The following RET variants were observed in gnomAD, a reference collection of about 807,000 sequenced individuals.
RET encodes the protein ret proto-oncogene.
A neutral mutation model predicts 118.3 loss-of-function variants in RET; 19 were observed. That is an observed-to-expected ratio of 0.16 (90% CI 0.11 to 0.24). The LOEUF (loss-of-function observed/expected upper bound fraction) is 0.24. Among genes scored for constraint, RET ranks in the 10% least tolerant of loss-of-function variants. The pLI is 1.00. For missense variants in RET, 1,219 were observed against 1,502.1 expected (o/e 0.81, Z 3.12); for synonymous variants, 597 against 644.1 (o/e 0.93, Z 1.11).
intron 12 of RET, 92 bp from the exon 13 acceptor site, chr10:43,118,281 G>A: frequency 2.0e-6 from 2 of 986,824 alleles, no homozygotes; most frequent in East Asian, 2.6e-5. Flanking sequence ...CTGAACTTGG[G>A]CAAGGCGATG....
At chr10:43,097,474 G>A (rs1837545427) in intron 1 of RET, among the ~76,000 whole-genome samples, 1 of 151,986 alleles carries the variant, frequency 6.6e-6, no homozygotes. Context: ...CATCCTCTCT[G>A]GGGTAAGAAC....
At chr10:43,093,870 CAAG>C (rs1279783821) in intron 1 of RET, among the ~76,000 whole-genome samples, 2 of 151,918 alleles carry the variant, frequency 1.3e-5, no homozygotes, top group East Asian at 1.9e-4. Context: ...AAAAATGAGG[CAAG>C]AAGAAGGCCA....
chr10:43,086,278 G>A (rs568746280), intron 1 of RET, among the ~76,000 whole-genome samples: 6 of 152,334 alleles, frequency 3.9e-5, no homozygotes, highest in Admixed American at 2.0e-4. Context: ...TGAAGCGCCC[G>A]GAGCAGACCT....
At chr10:43,079,402 C>T (rs903918117) in intron 1 of RET, among the ~76,000 whole-genome samples, 3 of 152,204 alleles carry the variant, frequency 2.0e-5, no homozygotes, top group African/African-American at 7.2e-5. Context: ...CTGTCAGCCC[C>T]AGGTATGCTG....
At chr10:43,104,872 C>A in intron 3 of RET, 80 bp from the exon 4 acceptor site, 1 of 1,509,098 alleles carries the variant, frequency 6.6e-7, no homozygotes, top group Non-Finnish European at 8.8e-7. Flanking sequence ...GCTCTGACCG[C>A]AGAGCCCCCT....
rs954548551 is a variant in RET at position 43,128,352 on chromosome 10, C to T, written c.*83C>T. 13 of 1,527,810 alleles carry T rather than the reference C, an allele frequency of 8.5e-6. No homozygotes were observed. Among genetic ancestry groups the T allele is most frequent in the African/African-American group, 8.2e-5 (6 of 73,052 alleles). 94.6% of individuals were successfully genotyped at this position (1,527,810 alleles called of 1,614,324 possible). A position where few individuals can be genotyped will look rare whatever the true frequency, so the allele number is the denominator to read the frequency against. ...AGTCTACCGGCCCTTTCTTTGTGAACGTCACATTGGCCGAGCCGTGTTCAG... is the reference window on the plus strand; with the variant it reads ...AGTCTACCGGCCCTTTCTTTGTGAATGTCACATTGGCCGAGCCGTGTTCAG... On this transcript the variant is annotated 3_prime_UTR_variant, in exon 20 of 20. Coordinates refer to ENST00000355710, the MANE Select transcript of RET (RefSeq NM_020975.6).
intron 13 of RET, among the ~76,000 whole-genome samples, chr10:43,118,781 C>T (rs1013002755): frequency 4.6e-5 from 7 of 152,186 alleles, no homozygotes; most frequent in Non-Finnish European, 7.4e-5. Context: ...GGGCTGGGCC[C>T]GTGGGGCAGG....
At chr10:43,118,692 C>T (rs537816898) in intron 13 of RET, among the ~76,000 whole-genome samples, 16 of 152,260 alleles carry the variant, frequency 1.1e-4, no homozygotes, top group African/African-American at 2.4e-4. Context: ...AGGGGCCCCG[C>T]GCTAGCGGCA....
At chr10:43,113,189 GA>G (rs1837981006) in intron 9 of RET, among the ~76,000 whole-genome samples, 1 of 152,200 alleles carries the variant, frequency 6.6e-6, no homozygotes, top group South Asian at 2.1e-4. Context: ...TGAGGTCCCA[GA>G]AGTCGGCACA....
intron 1 of RET, among the ~76,000 whole-genome samples, chr10:43,077,670 A>G: frequency 1.3e-5 from 2 of 152,212 alleles, no homozygotes; most frequent in Middle Eastern, 6.8e-3. Context: ...AGCAAACGGG[A>G]CAGCCGTTTC....
chr10:43,108,014 G>A (rs72781236), intron 5 of RET, among the ~76,000 whole-genome samples: 6,221 of 151,928 alleles, frequency 0.041, 146 homozygotes, highest in South Asian at 0.08. Context: ...AGTAAACCAC[G>A]TTATACCTGG....
At chr10:43,085,789 A>G (rs1837277209) in intron 1 of RET, among the ~76,000 whole-genome samples, 1 of 151,790 alleles carries the variant, frequency 6.6e-6, no homozygotes, top group Non-Finnish European at 1.5e-5. Context: ...ATTCTTCTTC[A>G]CCCTTGATGT....
intron 1 of RET, among the ~76,000 whole-genome samples, chr10:43,085,329 C>G (rs923079328): frequency 6.6e-6 from 1 of 152,220 alleles, no homozygotes. Flanking sequence ...CCCTGCGTTT[C>G]TGCTCCTTCC....
At chr10:43,115,475 G>A (rs763015427) in intron 11 of RET, among the ~76,000 whole-genome samples, 1 of 152,332 alleles carries the variant, frequency 6.6e-6, no homozygotes, top group South Asian at 2.1e-4. Context: ...AGCCAAGGAG[G>A]CCTTCCCAGA....
chr10:43,079,695 G>A (rs560976025), intron 1 of RET, among the ~76,000 whole-genome samples: 102 of 152,240 alleles, frequency 6.7e-4, no homozygotes, highest in African/African-American at 2.2e-3. Context: ...CCTGGGCCCC[G>A]GGGCCTTCTG....
rs974112701 is a variant in RET at position 43,114,266 on chromosome 10, T to G, written c.1880-214T>G. On this transcript the variant is annotated intron_variant, in intron 10 of 19. Transcript: ENST00000355710. The surrounding 1 kb of genome is among the most constrained non-coding windows in gnomAD (Gnocchi z 4.6). ...CAGCCTCTCTGAGCCTCTGTCTCCA[T>G]CTGTAAGAGGGCAATAGTGGTCTAG... Among the ~76,000 whole-genome samples, 102 of 152,136 alleles carry G rather than the reference T, an allele frequency of 6.7e-4. 1 individual carries two copies. The highest frequency in any genetic ancestry group is 2.4e-3 in the African/African-American group (100 of 41,424).
intron 1 of RET, among the ~76,000 whole-genome samples, chr10:43,084,864 G>A (rs566817140): frequency 1.3e-4 from 20 of 152,272 alleles, no homozygotes; most frequent in Non-Finnish European, 2.4e-4. Context: ...AGGGGAAGGT[G>A]CAAGGAGCCA....
Position 43,129,307 on chromosome 10 carries a change from A to G in RET, c.*1038A>G, listed in dbSNP as rs987741746. 9.8e-5 allele frequency: 23 copies of G among 233,614 alleles called. No individual in the cohort carries two copies. Among genetic ancestry groups the G allele is most frequent in the African/African-American group, 4.9e-4 (22 of 45,354 alleles). The allele number at this position is 233,614 out of a possible 1,614,324, so 14.5% of individuals were successfully genotyped here. On this transcript the variant is annotated 3_prime_UTR_variant, in exon 20 of 20. Transcript: ENST00000355710. ...CTAGCTAGCTGTGTTAGAAGTAGCAATGACAATGACCAAGGACTGCTACAC... is the reference window on the plus strand; with the variant it reads ...CTAGCTAGCTGTGTTAGAAGTAGCAGTGACAATGACCAAGGACTGCTACAC...
At position 43,105,200 on chromosome 10, in the gene RET, G is replaced by C. The variant is rs1588866349; in HGVS notation, c.867+7G>C. Reference sequence around the variant, plus strand: ...GGAGTTCAAGCGGAAGGAGGTGCTTGTCCGCGCGTGCTGTGGTCTACCCAG... The same window carrying C: ...GGAGTTCAAGCGGAAGGAGGTGCTTCTCCGCGCGTGCTGTGGTCTACCCAG... On this transcript the variant is annotated splice_region_variant and intron_variant, in intron 4 of 19. Transcript: ENST00000355710. 2 of 1,612,632 alleles carry C rather than the reference G, an allele frequency of 1.2e-6. No individual in the cohort carries two copies. Among genetic ancestry groups the C allele is most frequent in the African/African-American group, 1.3e-5 (1 of 75,020 alleles).
Sources: allele counts gnomAD v4.1 joint callset (sites outside exome capture counted in the v4.1 genomes callset), GRCh38; gene constraint gnomAD v4.1.1; non-coding constraint Gnocchi (gnomAD v3.1); transcripts MANE v1.5; gene names NCBI Gene and HGNC (gene_info 2026-07-23, HGNC 2026-07-21).